Variants in TCF4 observed in about 807,000 individuals in gnomAD.
The protein encoded by TCF4 is SL3-3 enhancer factor 2.
A neutral mutation model predicts 82.1 loss-of-function variants in TCF4; 3 were observed. The observed-to-expected ratio is 0.04, with a 90% CI of 0.02 to 0.09. The LOEUF (loss-of-function observed/expected upper bound fraction) is 0.09. Ranked by LOEUF, TCF4 falls within the 10% of genes least tolerant of loss-of-function variation. The pLI is 1.00. For missense variants in TCF4, 518 were observed against 852.7 expected (o/e 0.61, Z 4.89); for synonymous variants, 276 against 309.6 (o/e 0.89, Z 1.14).
intron 15 of TCF4, among the ~76,000 whole-genome samples, chr18:55,250,287 A>G (rs2145323720): frequency 6.6e-6 from 1 of 152,316 alleles, no homozygotes; most frequent in South Asian, 2.1e-4. Flanking sequence ...GTTTTAATCC[A>G]AGCATGCCAC....
At chr18:55,444,862 A>C (rs572793656) in intron 5 of TCF4, among the ~76,000 whole-genome samples, 1 of 152,320 alleles carries the variant, frequency 6.6e-6, no homozygotes, top group African/African-American at 2.4e-5. Context: ...TCTACATCTT[A>C]ACAAATGGCA....
rs968198285 is a variant in TCF4 at position 55,226,833 on chromosome 18, C to T, written c.*1202G>A. The T allele has an allele frequency of 1.3e-5, 2 of 152,360 alleles. No homozygotes were observed. Among genetic ancestry groups the T allele is most frequent in the Non-Finnish European group, 2.9e-5 (2 of 68,002 alleles). 9.4% of individuals were successfully genotyped at this position (152,360 alleles called of 1,614,324 possible). On this transcript the variant is annotated 3_prime_UTR_variant, in exon 20 of 20. Transcript: ENST00000354452. Reference sequence around the variant, plus strand: ...AAAAATCTGACCATGTATTCAGAAACGCCTCACTGCACACTACTTCGGCTA... The same window carrying T: ...AAAAATCTGACCATGTATTCAGAAATGCCTCACTGCACACTACTTCGGCTA...
rs144660117 is a variant in TCF4 at position 55,342,843 on chromosome 18, G to GA, written c.549+7515dup. 2.9e-3 allele frequency among the ~76,000 whole-genome samples: 445 copies of GA among 152,220 alleles called. 2 individuals are homozygous for GA. Among genetic ancestry groups the GA allele is most frequent in the Non-Finnish European group, 4.8e-3 (324 of 67,974 alleles). ...CCCAATTCTCCAAACAGGGTTACTTGAAAACATTAATGCTAAGAATCTGCC... is the reference window on the plus strand; with the variant it reads ...CCCAATTCTCCAAACAGGGTTACTTGAAAAACATTAATGCTAAGAATCTGCC... On this transcript the variant is annotated intron_variant, in intron 8 of 19. Transcript: ENST00000354452.
At chr18:55,228,437 C>T (rs188691584) in intron 18 of TCF4, 76 bp from the exon 19 acceptor site, 106 of 1,575,418 alleles carry the variant, frequency 6.7e-5, no homozygotes, top group Non-Finnish European at 8.5e-5. Context: ...ACTCTTCTTG[C>T]GTGTCTGACC....
intron 3 of TCF4, among the ~76,000 whole-genome samples, chr18:55,514,970 T>A (rs1238065656): frequency 6.6e-6 from 1 of 152,176 alleles, no homozygotes; most frequent in South Asian, 2.1e-4. Context: ...GCTAAGCAAT[T>A]AATAAACATG....
chr18:55,612,391 TC>T (rs2097707921), intron 2 of TCF4, among the ~76,000 whole-genome samples: 1 of 152,166 alleles, frequency 6.6e-6, no homozygotes, highest in Non-Finnish European at 1.5e-5. Flanking sequence ...TTTAAGGAAT[TC>T]CATATCGTGT....
At chr18:55,232,280 G>A (rs990819618) in intron 17 of TCF4, 1 of 505,104 alleles carries the variant, frequency 2.0e-6, no homozygotes, top group African/African-American at 1.9e-5. Context: ...TTTTCACTGT[G>A]TGTCATTAGC....
chr18:55,628,704 CA>C (rs2097728912), intron 2 of TCF4, among the ~76,000 whole-genome samples: 1 of 152,114 alleles, frequency 6.6e-6, no homozygotes, highest in African/African-American at 2.4e-5. Flanking sequence ...CAGAATTAAC[CA>C]AAACTTCACA....
chr18:55,355,839 A>G (rs959298934), intron 6 of TCF4, among the ~76,000 whole-genome samples: 1 of 152,170 alleles, frequency 6.6e-6, no homozygotes, highest in South Asian at 2.1e-4. Flanking sequence ...GTTTTTTGTC[A>G]GTGTTTTTTA....
chr18:55,237,889 G>A (rs945999594), intron 15 of TCF4, among the ~76,000 whole-genome samples: 1 of 152,174 alleles, frequency 6.6e-6, no homozygotes, highest in Non-Finnish European at 1.5e-5. Context: ...AAGAGACAAG[G>A]GAAGAAACAC....
At position 55,257,327 on chromosome 18, in the gene TCF4, G is replaced by A. The variant is rs1175846525; in HGVS notation, c.1134C>T (p.Pro378=). ...AAATGAGACATACCAAAGAGTGTAA[G>A]GGTCCTTCATAATTAGGAGACGATG... ...QASSSPNYEG[P]LHSLQSRIED... Residue 378 remains proline, a synonymous_variant, in exon 14 of 20, where the codon CCC becomes CCT. Coordinates refer to ENST00000354452, the MANE Select transcript of TCF4 (RefSeq NM_001083962.2). The A allele has an allele frequency of 6.2e-7, 1 of 1,613,704 alleles. No individual in the cohort carries two copies. Among genetic ancestry groups the A allele is most frequent in the Non-Finnish European group, 8.5e-7 (1 of 1,179,694 alleles).
At chr18:55,304,424 T>G (rs898588941) in intron 8 of TCF4, among the ~76,000 whole-genome samples, 1 of 152,144 alleles carries the variant, frequency 6.6e-6, no homozygotes, top group African/African-American at 2.4e-5. Flanking sequence ...ATACATAGAA[T>G]TATAAATACA....
intron 5 of TCF4, among the ~76,000 whole-genome samples, chr18:55,446,131 T>A (rs2095521047): frequency 6.6e-6 from 1 of 152,052 alleles, no homozygotes; most frequent in Non-Finnish European, 1.5e-5. Context: ...AACCTCTGCC[T>A]CCCCTGCCTC....
At chr18:55,444,471 A>G (rs1382426168) in intron 5 of TCF4, among the ~76,000 whole-genome samples, 1 of 152,230 alleles carries the variant, frequency 6.6e-6, no homozygotes, top group East Asian at 1.9e-4. Flanking sequence ...CAATGTGTTG[A>G]AAGTTTTCCA....
intron 6 of TCF4, among the ~76,000 whole-genome samples, chr18:55,376,838 AAAT>A (rs1411344442): frequency 6.6e-6 from 1 of 152,192 alleles, no homozygotes; most frequent in Non-Finnish European, 1.5e-5. Flanking sequence ...TCTGCCACCA[AAAT>A]AATTAATCAA....
chr18:55,327,162 T>C (rs999855365), intron 8 of TCF4, among the ~76,000 whole-genome samples: 1 of 152,212 alleles, frequency 6.6e-6, no homozygotes. Flanking sequence ...TTAAGATTTT[T>C]ACTTTTTCAA....
At chr18:55,625,538 A>G (rs2097725756) in intron 2 of TCF4, among the ~76,000 whole-genome samples, 1 of 152,178 alleles carries the variant, frequency 6.6e-6, no homozygotes, top group South Asian at 2.1e-4. Flanking sequence ...TGCCCAGCCA[A>G]GCTACAACTC....
At chr18:55,263,745 A>G (rs2058534291) in intron 11 of TCF4, among the ~76,000 whole-genome samples, 1 of 150,704 alleles carries the variant, frequency 6.6e-6, no homozygotes, top group Non-Finnish European at 1.5e-5. Flanking sequence ...TTTTTTTCCT[A>G]GAAGCGATAT....
intron 2 of TCF4, among the ~76,000 whole-genome samples, chr18:55,617,811 CTGTGTG>C (rs74182107): frequency 7.5e-4 from 105 of 140,676 alleles, no homozygotes; most frequent in African/African-American, 1.7e-3. Flanking sequence ...TTAATTCTAA[CTGTGTG>C]TGTGTGTGTG....
Sources: allele counts gnomAD v4.1 joint callset (sites outside exome capture counted in the v4.1 genomes callset), GRCh38; gene constraint gnomAD v4.1.1; transcripts MANE v1.5; gene names NCBI Gene and HGNC (gene_info 2026-07-23, HGNC 2026-07-21).